Variants in ANKMY1 observed in about 807,000 individuals in gnomAD.
The protein encoded by ANKMY1 is ankyrin repeat and MYND domain-containing protein 1.
Under a neutral mutation model 102.0 loss-of-function variants are expected in ANKMY1, and 98 were observed. That is an observed-to-expected ratio of 0.96 (90% confidence interval 0.82 to 1.14). The LOEUF is 1.14. Ranked by LOEUF, ANKMY1 falls within the 50% of genes most tolerant of loss-of-function variation. The probability of loss-of-function intolerance (pLI) is 0.00; values close to 1 mark genes in which losing one functional copy is unlikely to be tolerated. For synonymous variants in ANKMY1, 582 were observed against 559.9 expected, an observed-to-expected ratio of 1.04 and a Z score of -0.56; for missense variants, 1,330 against 1,347.6, an observed-to-expected ratio of 0.99 and a Z score of 0.20.
downstream of ANKMY1, among the ~76,000 whole-genome samples, chr2:240,474,570 C>T (rs2074734483): frequency 1.3e-5 from 2 of 152,186 alleles, no homozygotes; most frequent in African/African-American, 4.8e-5. Context: ...CAACCTCTTA[C>T]CCTCCACCCT....
At chr2:240,552,670 G>A (rs182458615) in intron 4 of ANKMY1, 12 of 531,274 alleles carry the variant, frequency 2.3e-5, no homozygotes, top group African/African-American at 7.7e-5. Context: ...AAATAAACAC[G>A]TGCGTTTCTT....
chr2:240,561,020 C>T (rs933196842), upstream of ANKMY1: 5 of 1,536,636 alleles, frequency 3.3e-6, no homozygotes, highest in African/African-American at 1.4e-5. Flanking sequence ...GCTCGGCCGC[C>T]GTCTGCACCG....
At chr2:240,530,207 G>C (rs11676650) in intron 4 of ANKMY1, among the ~76,000 whole-genome samples, 36,703 of 152,186 alleles carry the variant, frequency 0.24, 4,779 homozygotes, top group Middle Eastern at 0.51. Context: ...GTGCCCAGGG[G>C]AGGGAGCACA....
chr2:240,532,185 C>T (rs1397386023), intron 4 of ANKMY1: 1 of 444,960 alleles, frequency 2.2e-6, no homozygotes, highest in East Asian at 7.4e-5. Context: ...AAAGAAGAGA[C>T]AGAATATATT....
upstream of ANKMY1, chr2:240,560,783 C>CGCGGGCGCGGAGGAGCAGCTG (rs1256135105): frequency 6.9e-7 from 1 of 1,458,246 alleles, no homozygotes; most frequent in Non-Finnish European, 9.0e-7. Flanking sequence ...GCGCGCGAGC[C>CGCGGGCGCGGAGGAGCAGCTG]GCGGGCGCGG....
At chr2:240,553,926 CAA>C (rs975687800) in intron 3 of ANKMY1, 2 of 152,100 alleles carry the variant, frequency 1.3e-5, no homozygotes, top group African/African-American at 2.4e-5. Context: ...ACATTCATGA[CAA>C]GGGCTTCCAG....
intron 12 of ANKMY1, 170 bp from the exon 13 acceptor site, chr2:240,507,861 C>T: frequency 1.4e-6 from 1 of 730,450 alleles, no homozygotes; most frequent in Non-Finnish European, 2.1e-6. Flanking sequence ...CCGCTGCTGG[C>T]CTGTCCCACA....
chr2:240,519,708 C>G (rs1278173781), intron 9 of ANKMY1: 1 of 175,056 alleles, frequency 5.7e-6, no homozygotes, highest in East Asian at 1.6e-4. Flanking sequence ...ACGAGCTAAG[C>G]CCATAAAGCC....
chr2:240,521,469 C>T (rs562023927), intron 8 of ANKMY1, among the ~76,000 whole-genome samples: 30 of 140,280 alleles, frequency 2.1e-4, no homozygotes, highest in African/African-American at 6.6e-4. Context: ...AGAATGAAGT[C>T]GCGGAACTCG....
Position 240,520,336 on chromosome 2 carries a change from C to G in ANKMY1, c.2004+26G>C, listed in dbSNP as rs544576750. On this transcript the variant is annotated intron_variant, in intron 9 of 17. Transcript: ENST00000401804. The surrounding 1 kb of genome is among the most constrained non-coding windows in gnomAD (Gnocchi z 4.8). ...GCCCGGGAGTCTGCTGCGCTCGTCC[C>G]GGCGCCCGCCCGCCGCGGCTCCTAC... The G allele has an allele frequency of 1.3e-6, 2 of 1,514,638 alleles. No individual in the cohort carries two copies. The highest frequency in any genetic ancestry group is 1.4e-5 in the African/African-American group (1 of 72,138). The allele number at this position is 1,514,638 out of a possible 1,614,324, so 93.8% of individuals were successfully genotyped here.
chr2:240,539,167 A>G (rs1167061942), intron 4 of ANKMY1, among the ~76,000 whole-genome samples: 6 of 152,250 alleles, frequency 3.9e-5, no homozygotes, highest in African/African-American at 1.4e-4. Context: ...TTTGCAATAC[A>G]TCTTTCTGCT....
intron 9 of ANKMY1, among the ~76,000 whole-genome samples, chr2:240,518,768 G>A: frequency 6.6e-6 from 1 of 152,238 alleles, no homozygotes; most frequent in East Asian, 1.9e-4. Flanking sequence ...ACCTTAATCA[G>A]TTTCAAAGAC....
downstream of ANKMY1, among the ~76,000 whole-genome samples, chr2:240,479,065 C>T (rs1329499739): frequency 6.6e-6 from 1 of 152,226 alleles, no homozygotes; most frequent in African/African-American, 2.4e-5. Flanking sequence ...TTTCCACAAA[C>T]ACCATCGTCC....
chr2:240,560,674 C>T (rs779621009), upstream of ANKMY1: 3 of 1,508,820 alleles, frequency 2.0e-6, no homozygotes, highest in Admixed American at 2.3e-5. Flanking sequence ...GCAGACTCTT[C>T]GGCGGGCGCC....
chr2:240,557,099 A>G, intron 2 of ANKMY1, 91 bp downstream of exon 2: 1 of 1,327,948 alleles, frequency 7.5e-7, no homozygotes, highest in Non-Finnish European at 9.9e-7. Context: ...AACACAGTTC[A>G]GGGATTTTTA....
At chr2:240,481,189 C>A in intron 16 of ANKMY1, 92 bp from the exon 17 acceptor site, 1 of 1,493,354 alleles carries the variant, frequency 6.7e-7, no homozygotes, top group East Asian at 2.4e-5. Flanking sequence ...TGGCCCTGAG[C>A]TCCTGGGCTA....
chr2:240,549,246 G>C (rs1299946834), intron 4 of ANKMY1, among the ~76,000 whole-genome samples: 3 of 150,666 alleles, frequency 2.0e-5, no homozygotes, highest in South Asian at 2.1e-4. Context: ...ACAAACCTGA[G>C]AAAAACAAGC....
intron 8 of ANKMY1, chr2:240,523,671 G>T (rs1311599157): frequency 2.6e-6 from 2 of 761,986 alleles, no homozygotes; most frequent in Non-Finnish European, 4.1e-6. Context: ...CCCCCACAGG[G>T]CTGGGGTGGC....
At chr2:240,557,134 G>A in intron 2 of ANKMY1, 56 bp downstream of exon 2, 5 of 1,392,502 alleles carry the variant, frequency 3.6e-6, no homozygotes, top group Non-Finnish European at 4.7e-6. Flanking sequence ...GAGAATCCCG[G>A]CTAACCCTGG....
Sources: allele counts gnomAD v4.1 joint callset (sites outside exome capture counted in the v4.1 genomes callset), GRCh38; gene constraint gnomAD v4.1.1; non-coding constraint Gnocchi (gnomAD v3.1); transcripts MANE v1.5; gene names NCBI Gene and HGNC (gene_info 2026-07-23, HGNC 2026-07-21).